The following NMNAT2 variants were observed in gnomAD, a reference collection of about 807,000 sequenced individuals.
NMNAT2 encodes nicotinamide/nicotinic acid mononucleotide adenylyltransferase 2.
NMNAT2 carries 11 observed loss-of-function variants against 41.6 expected under a neutral mutation model. The ratio of observed to expected loss-of-function variants is 0.26; its 90% confidence interval spans 0.17 to 0.44. The LOEUF is 0.44. Ranked by LOEUF, NMNAT2 falls within the 20% of genes least tolerant of loss-of-function variation. The pLI is 1.00. For missense variants in NMNAT2, 288 were observed against 407.7 expected (o/e 0.71, Z 2.53); for synonymous variants, 148 against 151.2 (o/e 0.98, Z 0.16).
intron 7 of NMNAT2, 114 bp from the exon 8 acceptor site, chr1:183,278,743 G>C: frequency 1.3e-6 from 1 of 749,436 alleles, no homozygotes; most frequent in Non-Finnish European, 2.4e-6. Flanking sequence ...GGGGATGTGG[G>C]GCCCAGTTAT....
intron 1 of NMNAT2, among the ~76,000 whole-genome samples, chr1:183,320,588 C>T (rs1557877289): frequency 6.6e-6 from 1 of 152,100 alleles, no homozygotes; most frequent in African/African-American, 2.4e-5. Context: ...GGCGACAGAG[C>T]GAGACTCCAT....
At chr1:183,321,607 T>TACA (rs1662357484) in intron 1 of NMNAT2, among the ~76,000 whole-genome samples, 1 of 151,982 alleles carries the variant, frequency 6.6e-6, no homozygotes, top group Non-Finnish European at 1.5e-5. Context: ...CTGGGTATGG[T>TACA]GGCATGTACC....
At chr1:183,313,080 T>TGCCAGCC (rs902667463) in intron 1 of NMNAT2, among the ~76,000 whole-genome samples, 3 of 152,222 alleles carry the variant, frequency 2.0e-5, no homozygotes, top group African/African-American at 7.2e-5. Context: ...TCTCTCCCAC[T>TGCCAGCC]GCCAGCCCCC....
At chr1:183,413,455 C>G (rs1158230199) in intron 1 of NMNAT2, among the ~76,000 whole-genome samples, 3 of 152,148 alleles carry the variant, frequency 2.0e-5, no homozygotes, top group Non-Finnish European at 1.5e-5. Flanking sequence ...AGCATGCACC[C>G]AGCCTAAGCA....
chr1:183,303,060 G>C (rs925823481), intron 1 of NMNAT2, among the ~76,000 whole-genome samples: 8 of 152,188 alleles, frequency 5.3e-5, no homozygotes, highest in Non-Finnish European at 1.2e-4. Flanking sequence ...ATTCCAGGGG[G>C]ACAAAGCGAG....
chr1:183,335,806 A>G (rs945006503), intron 1 of NMNAT2, among the ~76,000 whole-genome samples: 1 of 152,206 alleles, frequency 6.6e-6, no homozygotes, highest in Admixed American at 6.6e-5. Context: ...TGTCTAATAT[A>G]TCTTCTGATC....
intron 1 of NMNAT2, among the ~76,000 whole-genome samples, chr1:183,324,084 G>T (rs951657370): frequency 3.7e-4 from 57 of 152,168 alleles, no homozygotes; most frequent in African/African-American, 1.3e-3. Flanking sequence ...GACCTGAGAG[G>T]TGGCATAACT....
chr1:183,276,621 C>T (rs1189953958), intron 8 of NMNAT2, among the ~76,000 whole-genome samples: 1 of 152,224 alleles, frequency 6.6e-6, no homozygotes, highest in Non-Finnish European at 1.5e-5. Context: ...ATTCCTCCTC[C>T]ACAGCACTCC....
At chr1:183,270,732 C>T (rs1660963910) in intron 8 of NMNAT2, among the ~76,000 whole-genome samples, 1 of 152,142 alleles carries the variant, frequency 6.6e-6, no homozygotes, top group Non-Finnish European at 1.5e-5. Flanking sequence ...GCCTCCTTCC[C>T]CTGAGACTGT....
intron 2 of NMNAT2, among the ~76,000 whole-genome samples, 189 bp downstream of exon 2, chr1:183,293,516 A>G (rs970659198): frequency 4.6e-5 from 7 of 152,212 alleles, no homozygotes; most frequent in Admixed American, 2.6e-4. Context: ...CTACTGCTTC[A>G]ACGCCCATCC....
chr1:183,367,978 G>A (rs528872879), intron 1 of NMNAT2, among the ~76,000 whole-genome samples: 2 of 152,222 alleles, frequency 1.3e-5, no homozygotes, highest in African/African-American at 2.4e-5. Context: ...AAGAAATGGA[G>A]AGCAAGCATC....
chr1:183,332,919 G>A (rs1662614788), intron 1 of NMNAT2, among the ~76,000 whole-genome samples: 1 of 152,204 alleles, frequency 6.6e-6, no homozygotes, highest in South Asian at 2.1e-4. Context: ...TGCAGTAGCA[G>A]CCATCAGCCT....
intron 1 of NMNAT2, among the ~76,000 whole-genome samples, chr1:183,335,216 G>T (rs1662658981): frequency 6.6e-6 from 1 of 152,096 alleles, no homozygotes; most frequent in East Asian, 1.9e-4. Context: ...CCTTCTTCTT[G>T]TTAGATCCCG....
At chr1:183,415,229 C>T (rs1365045069) in intron 1 of NMNAT2, among the ~76,000 whole-genome samples, 1 of 152,176 alleles carries the variant, frequency 6.6e-6, no homozygotes, top group East Asian at 1.9e-4. Context: ...TGTTAATGTC[C>T]ATCTTCACCT....
chr1:183,400,357 G>A (rs1648774493), intron 1 of NMNAT2, among the ~76,000 whole-genome samples: 1 of 152,068 alleles, frequency 6.6e-6, no homozygotes, highest in South Asian at 2.1e-4. Flanking sequence ...AACTTACAAG[G>A]GACGTGAAGG....
chr1:183,378,533 C>G (rs1237832359), intron 1 of NMNAT2, among the ~76,000 whole-genome samples: 1 of 151,298 alleles, frequency 6.6e-6, no homozygotes, highest in Non-Finnish European at 1.5e-5. Context: ...CCAGCCTGGG[C>G]AACAAGAGTG....
At chr1:183,354,032 T>C (rs980306483) in intron 1 of NMNAT2, among the ~76,000 whole-genome samples, 1 of 152,166 alleles carries the variant, frequency 6.6e-6, no homozygotes, top group African/African-American at 2.4e-5. Context: ...GAATGTTTTA[T>C]GAGTTTAGTA....
intron 1 of NMNAT2, among the ~76,000 whole-genome samples, chr1:183,317,021 C>T (rs1369696373): frequency 6.6e-6 from 1 of 152,178 alleles, no homozygotes; most frequent in Non-Finnish European, 1.5e-5. Flanking sequence ...ATAAATGTTA[C>T]CTGATCCACA....
chr1:183,253,921 G>T (rs935558213), intron 10 of NMNAT2, among the ~76,000 whole-genome samples: 1 of 151,644 alleles, frequency 6.6e-6, no homozygotes, highest in Non-Finnish European at 1.5e-5. Flanking sequence ...GTGTGTGTGT[G>T]TGTGTGTGTG....
Sources: gnomAD v4.1 joint callset for allele counts (sites outside exome capture counted in the v4.1 genomes callset) on GRCh38, gnomAD v4.1.1 for gene constraint, MANE v1.5 for transcripts, NCBI Gene and HGNC (gene_info 2026-07-23, HGNC 2026-07-21) for gene names.